The following GALNTL6 variants were observed in gnomAD, a reference collection of about 807,000 sequenced individuals.
GALNTL6 encodes polypeptide N-acetylgalactosaminyltransferase like 6.
A neutral mutation model predicts 73.7 loss-of-function variants in GALNTL6; 46 were observed. The observed-to-expected ratio is 0.62, with a 90% CI of 0.49 to 0.80. GALNTL6 has a LOEUF of 0.80. Among genes scored for constraint, GALNTL6 ranks in the 30% least tolerant of loss-of-function variants. The pLI, the probability that GALNTL6 is intolerant of heterozygous loss-of-function variation, is 0.00. For synonymous variants in GALNTL6, 259 were observed against 263.7 expected (o/e 0.98, Z 0.17); for missense variants, 604 against 755.0 (o/e 0.80, Z 2.34).
At chr4:172,382,832 T>G (rs1057183368) in intron 5 of GALNTL6, among the ~76,000 whole-genome samples, 8 of 152,118 alleles carry the variant, frequency 5.3e-5, no homozygotes, top group Non-Finnish European at 1.2e-4. Flanking sequence ...AAAAGACTAT[T>G]CTTTTCAACC....
At chr4:172,336,233 G>C (rs901817513) in intron 4 of GALNTL6, among the ~76,000 whole-genome samples, 1 of 139,708 alleles carries the variant, frequency 7.2e-6, no homozygotes, top group Non-Finnish European at 1.6e-5. Flanking sequence ...TTTCTATGTA[G>C]TTAGGTGTTT....
chr4:172,730,769 C>T (rs1736097479), intron 5 of GALNTL6, among the ~76,000 whole-genome samples: 1 of 152,104 alleles, frequency 6.6e-6, no homozygotes, highest in South Asian at 2.1e-4. Context: ...CCCTCCTCTT[C>T]AAATTTTTGT....
At chr4:172,896,306 G>C (rs975781912) in intron 8 of GALNTL6, among the ~76,000 whole-genome samples, 1 of 152,160 alleles carries the variant, frequency 6.6e-6, no homozygotes, top group Non-Finnish European at 1.5e-5. Context: ...TGACTATTAT[G>C]TTTCCTGAGT....
At chr4:171,992,212 A>C (rs572464308) in intron 2 of GALNTL6, among the ~76,000 whole-genome samples, 1 of 152,100 alleles carries the variant, frequency 6.6e-6, no homozygotes, top group African/African-American at 2.4e-5. Context: ...AAAAGAATTC[A>C]ATTCAACTTG....
chr4:172,660,804 T>C (rs1731328385), intron 5 of GALNTL6, among the ~76,000 whole-genome samples: 1 of 152,158 alleles, frequency 6.6e-6, no homozygotes, highest in Admixed American at 6.5e-5. Context: ...GGAAGAAATA[T>C]GAATATTACT....
At chr4:172,370,531 T>C (rs2045010542) in intron 5 of GALNTL6, among the ~76,000 whole-genome samples, 1 of 145,408 alleles carries the variant, frequency 6.9e-6, no homozygotes, top group Non-Finnish European at 1.5e-5. Flanking sequence ...CTCGGGTGGC[T>C]GAGGCAGGAG....
At chr4:171,824,077 T>TTATTTATATATA (rs1734758330) in intron 2 of GALNTL6, among the ~76,000 whole-genome samples, 1 of 129,218 alleles carries the variant, frequency 7.7e-6, no homozygotes, top group South Asian at 2.7e-4. Flanking sequence ...CAAATCCATT[T>TTATTTATATATA]TATATATATA....
chr4:172,895,193 G>A (rs1008747323), intron 8 of GALNTL6, among the ~76,000 whole-genome samples: 1 of 151,202 alleles, frequency 6.6e-6, no homozygotes, highest in African/African-American at 2.4e-5. Flanking sequence ...TACATTCAAT[G>A]CTATTATGGA....
intron 5 of GALNTL6, among the ~76,000 whole-genome samples, chr4:172,629,510 A>G (rs903653280): frequency 6.6e-6 from 1 of 152,152 alleles, no homozygotes; most frequent in Admixed American, 6.6e-5. Context: ...CCTCTATGTG[A>G]CAAGCAACTT....
chr4:172,829,362 C>T (rs1742496295), intron 7 of GALNTL6, among the ~76,000 whole-genome samples: 1 of 152,166 alleles, frequency 6.6e-6, no homozygotes, highest in Admixed American at 6.5e-5. Context: ...GGTAGGGATA[C>T]TCTGGGCTAT....
chr4:171,966,891 TTTAA>T (rs1196935664), intron 2 of GALNTL6, among the ~76,000 whole-genome samples: 7 of 152,146 alleles, frequency 4.6e-5, no homozygotes, highest in Non-Finnish European at 7.3e-5. Context: ...GTTGTTGTAC[TTTAA>T]TTAATTATTA....
At chr4:172,319,590 A>G (rs1740684895) in intron 4 of GALNTL6, among the ~76,000 whole-genome samples, 1 of 152,192 alleles carries the variant, frequency 6.6e-6, no homozygotes, top group Non-Finnish European at 1.5e-5. Flanking sequence ...CATTATCTTA[A>G]AACATACTTT....
intron 5 of GALNTL6, among the ~76,000 whole-genome samples, chr4:172,684,040 T>C (rs528672807): frequency 4.6e-5 from 7 of 152,314 alleles, no homozygotes; most frequent in African/African-American, 1.7e-4. Flanking sequence ...GATGCATCTA[T>C]AAAGGATAGA....
chr4:172,763,438 A>C (rs1738233293), intron 5 of GALNTL6, among the ~76,000 whole-genome samples: 1 of 152,250 alleles, frequency 6.6e-6, no homozygotes, highest in Non-Finnish European at 1.5e-5. Context: ...CTTAAGTCAT[A>C]GAGTAAAATT....
At chr4:172,021,080 A>T (rs1741383997) in intron 2 of GALNTL6, among the ~76,000 whole-genome samples, 1 of 152,054 alleles carries the variant, frequency 6.6e-6, no homozygotes, top group Admixed American at 6.6e-5. Flanking sequence ...TGCTAAAAAA[A>T]TTGATAAAAT....
At chr4:172,518,989 A>G (rs1257365175) in intron 5 of GALNTL6, among the ~76,000 whole-genome samples, 1 of 151,806 alleles carries the variant, frequency 6.6e-6, no homozygotes, top group Non-Finnish European at 1.5e-5. Flanking sequence ...AGAAGAGCAC[A>G]TAGTTACGAA....
At chr4:172,963,004 A>C (rs1056903188) in intron 10 of GALNTL6, among the ~76,000 whole-genome samples, 1 of 152,088 alleles carries the variant, frequency 6.6e-6, no homozygotes, top group Non-Finnish European at 1.5e-5. Flanking sequence ...GCTGCCATCT[A>C]TTTCTAGGTA....
At chr4:173,036,139 T>A (rs1190706783) in intron 12 of GALNTL6, among the ~76,000 whole-genome samples, 1 of 152,168 alleles carries the variant, frequency 6.6e-6, no homozygotes, top group African/African-American at 2.4e-5. Flanking sequence ...ATTTGATGAA[T>A]CCCCTACGCC....
Position 172,304,841 on chromosome 4 carries a change from C to T in GALNTL6, c.248-6773C>T, listed in dbSNP as rs575837234. Reference sequence around the variant, plus strand: ...TATGTAAAGTCTCCCTAGCCCCGTACTTAACACAAAAACTATTTTAATTCT... The same window carrying T: ...TATGTAAAGTCTCCCTAGCCCCGTATTTAACACAAAAACTATTTTAATTCT... On this transcript the variant is annotated intron_variant, in intron 3 of 12. Coordinates refer to ENST00000506823, the MANE Select transcript of GALNTL6 (RefSeq NM_001034845.3). Among the ~76,000 whole-genome samples the T allele has an allele frequency of 9.2e-5, 14 of 152,244 alleles. No individual in the cohort carries two copies. The East Asian group carries it at 2.3e-3, about 25-fold the overall frequency.
Sources: allele counts gnomAD v4.1 joint callset (sites outside exome capture counted in the v4.1 genomes callset), GRCh38; gene constraint gnomAD v4.1.1; transcripts MANE v1.5; gene names NCBI Gene and HGNC (gene_info 2026-07-23, HGNC 2026-07-21).